ANKRD30A: variants seen among roughly 807,000 people sequenced by gnomAD.
ANKRD30A encodes the protein ankyrin repeat domain-containing protein 30A.
Under a neutral mutation model 166.3 loss-of-function variants are expected in ANKRD30A, and 170 were observed. The observed-to-expected ratio is 1.02, with a 90% CI of 0.90 to 1.16. ANKRD30A has a LOEUF of 1.16. Ranked by LOEUF, ANKRD30A falls within the 50% of genes most tolerant of loss-of-function variation. The pLI, the probability that ANKRD30A is intolerant of heterozygous loss-of-function variation, is 0.00. For missense variants in ANKRD30A, 1,630 were observed against 1,518.0 expected (o/e 1.07, Z -1.23); for synonymous variants, 564 against 508.9 (o/e 1.11, Z -1.46).
At chr10:37,224,730 A>G (rs1843065277) in intron 34 of ANKRD30A, among the ~76,000 whole-genome samples, 2 of 151,640 alleles carry the variant, frequency 1.3e-5, no homozygotes, top group South Asian at 4.1e-4. Flanking sequence ...TCACTTTGTT[A>G]GCACTGTGCT....
At chr10:37,136,849 A>ATATATG (rs1459275775) in intron 6 of ANKRD30A, among the ~76,000 whole-genome samples, 178 bp downstream of exon 6, 25 of 150,920 alleles carry the variant, frequency 1.7e-4, no homozygotes, top group Admixed American at 1.7e-3. Context: ...ATATATATAT[A>ATATATG]TAGCTTTGAT....
intron 33 of ANKRD30A, among the ~76,000 whole-genome samples, chr10:37,218,505 A>G (rs528476557): frequency 5.3e-5 from 8 of 151,072 alleles, no homozygotes; most frequent in East Asian, 1.9e-4. Context: ...AAAATTAACT[A>G]TATTTTTTAA....
chr10:37,142,056 A>G lies in ANKRD30A; in HGVS notation c.1159A>G (p.Lys387Glu). 6.2e-7 allele frequency: 1 copy of G among 1,614,012 alleles called. No homozygotes were observed. The highest frequency in any genetic ancestry group is 8.5e-7 in the Non-Finnish European group (1 of 1,179,954). The change falls in exon 7 of 36, where the codon AAA (lysine) becomes GAA (glutamate). Residue 387 changes from lysine (K) to glutamate (E), a missense_variant. Physicochemically the swap from Lys to Glu is moderately conservative, Grantham distance 56 (BLOSUM62 1). Around this residue, in one of 4 missense-constraint regions of ANKRD30A, gnomAD observed 904 missense variants for 818.5 expected, o/e 1.10. Coordinates refer to ENST00000361713, the MANE Select transcript of ANKRD30A (RefSeq NM_052997.3). ...KGRPRKIAWEKKEDTPREIMS... is the reference protein window; with the variant it reads ...KGRPRKIAWEEKEDTPREIMS... ...AAGACCTAGGAAGATCGCATGGGAG[A>G]AAAAAGAAGACACACCTAGGGAAAT... is the stretch of plus-strand genomic sequence containing the variant.
rs1486451632 is a variant in ANKRD30A, at chr10:37,159,870, G to A, written c.1900+1284G>A. 9.2e-5 allele frequency among the ~76,000 whole-genome samples: 14 copies of A among 151,990 alleles called. No individual in the cohort carries two copies. In the East Asian group the frequency reaches 1.7e-3, roughly 19 times the overall value. The stretch of plus-strand genomic sequence containing the variant: ...CCACCATGCCCGGCTAATGTTTTGT[G>A]TTTTTAGTAGAGACAGGGTTTCAGT... On this transcript the variant is annotated intron_variant, in intron 15 of 35. Transcript: ENST00000361713.
chr10:37,211,939 G>A (rs1941936028), intron 31 of ANKRD30A, among the ~76,000 whole-genome samples: 1 of 151,932 alleles, frequency 6.6e-6, no homozygotes, highest in African/African-American at 2.4e-5. Context: ...CTTCTTTTGA[G>A]AAGTGTCTGT....
chr10:37,243,275 C>T, the ANKRD30A span, among the ~76,000 whole-genome samples: 47 of 150,326 alleles, frequency 3.1e-4, no homozygotes, highest in African/African-American at 1.0e-3. Context: ...GCTGGGACTA[C>T]AGGCGCCTGC....
intron 18 of ANKRD30A, among the ~76,000 whole-genome samples, chr10:37,165,971 T>C (rs1839295158): frequency 6.6e-6 from 1 of 152,160 alleles, no homozygotes; most frequent in African/African-American, 2.4e-5. Flanking sequence ...TTGTTTTCTT[T>C]CATTTAGATG....
At chr10:37,200,971 A>T (rs1020133766) in intron 30 of ANKRD30A, among the ~76,000 whole-genome samples, 1 of 152,028 alleles carries the variant, frequency 6.6e-6, no homozygotes, top group Non-Finnish European at 1.5e-5. Context: ...AATATGCACG[A>T]TTGAATTTTT....
the ANKRD30A span, among the ~76,000 whole-genome samples, chr10:37,251,319 C>A: frequency 6.6e-6 from 1 of 152,102 alleles, no homozygotes; most frequent in Non-Finnish European, 1.5e-5. Context: ...GTTCTTATTA[C>A]ACCCTTAATT....
chr10:37,194,946 C>T (rs1588895181), intron 27 of ANKRD30A, among the ~76,000 whole-genome samples: 1 of 152,040 alleles, frequency 6.6e-6, no homozygotes, highest in African/African-American at 2.4e-5. Context: ...TGGAAAAGTC[C>T]TACTTTCCAA....
chr10:37,131,836 G>T (rs1439331561), intron 3 of ANKRD30A, among the ~76,000 whole-genome samples: 2 of 152,058 alleles, frequency 1.3e-5, no homozygotes, highest in African/African-American at 2.4e-5. Context: ...CAGTGCTTCT[G>T]GTAAGGTAAT....
rs369993960 is a variant in ANKRD30A at position 37,201,335 on chromosome 10, A to G, written c.2869+10A>G. The G allele has an allele frequency of 3.9e-6, 6 of 1,548,006 alleles. No individual in the cohort carries two copies. In the African/African-American group the frequency reaches 4.2e-5, roughly 11 times the overall value. ...AGTGGAAAATTAGAAGGTAAGAACC[A>G]TCTTTTATTTAAAAGGTCATTTGAC... On this transcript the variant is annotated intron_variant, in intron 31 of 35. Coordinates refer to ENST00000361713, the MANE Select transcript of ANKRD30A (RefSeq NM_052997.3).
intron 21 of ANKRD30A, among the ~76,000 whole-genome samples, chr10:37,171,290 G>A (rs1202293485): frequency 2.8e-5 from 4 of 143,520 alleles, no homozygotes; most frequent in African/African-American, 5.3e-5. Context: ...ACTAAAAGTC[G>A]ACATTAAATG....
At chr10:37,212,538 CA>C (rs1842393784) in intron 31 of ANKRD30A, among the ~76,000 whole-genome samples, 1 of 151,980 alleles carries the variant, frequency 6.6e-6, no homozygotes, top group East Asian at 1.9e-4. Context: ...CATATGGAAC[CA>C]AAAAAGAGCC....
intron 27 of ANKRD30A, among the ~76,000 whole-genome samples, chr10:37,194,111 G>T (rs191140203): frequency 1.5e-4 from 23 of 152,064 alleles, no homozygotes; most frequent in African/African-American, 5.3e-4. Context: ...CAGGAGAATG[G>T]CTTGAACGTA....
chr10:37,164,049 T>A (rs1039819652), intron 17 of ANKRD30A, among the ~76,000 whole-genome samples: 2 of 147,014 alleles, frequency 1.4e-5, no homozygotes, highest in Non-Finnish European at 1.5e-5. Context: ...TACCAAAGTG[T>A]GATTTGAGTT....
chr10:37,258,519 A>C, the ANKRD30A span, among the ~76,000 whole-genome samples: 1 of 152,082 alleles, frequency 6.6e-6, no homozygotes, highest in Admixed American at 6.5e-5. Context: ...AGGAAACAAT[A>C]ATCTTTTCAA....
intron 34 of ANKRD30A, among the ~76,000 whole-genome samples, chr10:37,224,446 C>T (rs1305497278): frequency 1.3e-5 from 2 of 150,094 alleles, no homozygotes; most frequent in African/African-American, 4.9e-5. Flanking sequence ...CACTAAACTT[C>T]TGTTGTTTTT....
chr10:37,194,450 C>A (rs1450587165), intron 27 of ANKRD30A, among the ~76,000 whole-genome samples: 3 of 150,906 alleles, frequency 2.0e-5, no homozygotes, highest in Non-Finnish European at 4.4e-5. Context: ...ACGCCATTCT[C>A]CTGCCTCAGC....
Sources: allele counts gnomAD v4.1 joint callset (sites outside exome capture counted in the v4.1 genomes callset), GRCh38; gene constraint gnomAD v4.1.1; regional missense constraint gnomAD v4.1.1; transcripts MANE v1.5; gene names NCBI Gene and HGNC (gene_info 2026-07-23, HGNC 2026-07-21).